The following VPS13A variants were observed in gnomAD, a reference collection of about 807,000 sequenced individuals.
VPS13A encodes the protein vacuolar protein sorting 13 homolog A.
A neutral mutation model predicts 390.9 loss-of-function variants in VPS13A; 264 were observed. The observed-to-expected ratio is 0.68, with a 90% CI of 0.61 to 0.75. The LOEUF (loss-of-function observed/expected upper bound fraction) is 0.75. Ranked by LOEUF, VPS13A falls within the 30% of genes least tolerant of loss-of-function variation. VPS13A has a pLI of 0.00. For synonymous variants in VPS13A, 1,231 were observed against 1,227.1 expected, an observed-to-expected ratio of 1.00 and a Z score of -0.07; for missense variants, 3,409 against 3,733.9, an observed-to-expected ratio of 0.91 and a Z score of 2.27.
intron 35 of VPS13A, among the ~76,000 whole-genome samples, chr9:77,310,389 A>G (rs966875230): frequency 2.0e-5 from 3 of 152,236 alleles, no homozygotes; most frequent in Non-Finnish European, 4.4e-5. Flanking sequence ...TGAATTCCAC[A>G]TAGTATGTAG....
intron 17 of VPS13A, among the ~76,000 whole-genome samples, chr9:77,237,519 C>G (rs1358113616): frequency 6.6e-6 from 1 of 152,010 alleles, no homozygotes; most frequent in African/African-American, 2.4e-5. Context: ...CTCATGCCCC[C>G]ACACCTGGCT....
In VPS13A at chr9:77,177,782, G is replaced by A; in HGVS notation, c.78G>A (p.Gln26=). Residue 26 remains glutamine, a synonymous_variant, in exon 1 of 72, where the codon CAG becomes CAA. Transcript: ENST00000360280. ...GDYVVDLDTS[Q]LSLGIWKGAV... is the part of the protein sequence containing the mutation. The stretch of plus-strand genomic sequence containing the variant: ...ATGTGGTGGACTTGGACACGTCCCA[G>A]CTCTCTCTGGGCATCTGGAAAGGTA... The A allele has an allele frequency of 6.2e-7, 1 of 1,613,404 alleles. No individual in the cohort carries two copies. Among genetic ancestry groups the A allele is most frequent in the Non-Finnish European group, 8.5e-7 (1 of 1,179,642 alleles).
chr9:77,364,772 G>C (rs1339020406), intron 59 of VPS13A, among the ~76,000 whole-genome samples: 1 of 152,124 alleles, frequency 6.6e-6, no homozygotes, highest in East Asian at 1.9e-4. Context: ...ACCATTCCTA[G>C]AGGCCTTAAA....
chr9:77,341,934 CATT>C (rs1307039020), intron 50 of VPS13A, among the ~76,000 whole-genome samples: 2 of 151,788 alleles, frequency 1.3e-5, no homozygotes, highest in Non-Finnish European at 2.9e-5. Context: ...TAAGGGGAAA[CATT>C]AATAATACCG....
At chr9:77,363,057 G>A (rs73654021) in intron 59 of VPS13A, among the ~76,000 whole-genome samples, 1 of 151,988 alleles carries the variant, frequency 6.6e-6, no homozygotes, top group Non-Finnish European at 1.5e-5. Context: ...TGAGAGGAGA[G>A]GTAGTTTTAC....
intron 68 of VPS13A, chr9:77,384,712 A>C: frequency 8.9e-6 from 14 of 1,577,432 alleles, no homozygotes; most frequent in Non-Finnish European, 1.2e-5. Context: ...TTTACTTGGA[A>C]TGTTTCATTA....
chr9:77,241,711 A>C (rs1223965094), intron 19 of VPS13A, among the ~76,000 whole-genome samples: 1 of 152,082 alleles, frequency 6.6e-6, no homozygotes, highest in Admixed American at 6.6e-5. Flanking sequence ...GAAGATTTAT[A>C]TTTCTTCTGC....
chr9:77,319,487 T>C lies in VPS13A; in HGVS notation c.5314-85T>C. The C allele has an allele frequency of 3.2e-6, 3 of 927,550 alleles. No individual in the cohort carries two copies. The South Asian group carries it at 4.1e-5, about 13-fold the overall frequency. The allele number at this position is 927,550 out of a possible 1,614,324, so 57.5% of individuals were successfully genotyped here. A position where few individuals can be genotyped will look rare whatever the true frequency, so the allele number is the denominator to read the frequency against. On this transcript the variant is annotated intron_variant, in intron 41 of 71. Coordinates refer to ENST00000360280, the MANE Select transcript of VPS13A (RefSeq NM_033305.3). ...TACTGAATGGCATGTAGACTGGTTTTTATATAGAAGAAATAACAGGGCTAA... is the reference window on the plus strand; with the variant it reads ...TACTGAATGGCATGTAGACTGGTTTCTATATAGAAGAAATAACAGGGCTAA...
chr9:77,360,091 T>C (rs1225099623), intron 58 of VPS13A, among the ~76,000 whole-genome samples: 2 of 152,168 alleles, frequency 1.3e-5, no homozygotes, highest in South Asian at 4.1e-4. Context: ...CTATCTTTAT[T>C]TCCTTGCTGT....
At chr9:77,327,149 C>G (rs10781431) in intron 45 of VPS13A, among the ~76,000 whole-genome samples, 141,120 of 152,206 alleles carry the variant, frequency 0.93, 65,554 homozygotes, top group East Asian at 1. Flanking sequence ...TGTGCCGCCT[C>G]TTGCCCCGTA....
intron 34 of VPS13A, among the ~76,000 whole-genome samples, chr9:77,304,981 C>G (rs1587538655): frequency 6.6e-6 from 1 of 151,258 alleles, no homozygotes; most frequent in African/African-American, 2.4e-5. Context: ...CTCTGTTGCC[C>G]AGGCTGGAGT....
At chr9:77,368,533 A>G (rs1173619471) in intron 62 of VPS13A, among the ~76,000 whole-genome samples, 1 of 152,160 alleles carries the variant, frequency 6.6e-6, no homozygotes, top group Admixed American at 6.5e-5. Context: ...ATGTTTTTCC[A>G]CTTCTAGAGA....
At chr9:77,224,704 C>T in intron 13 of VPS13A, among the ~76,000 whole-genome samples, 1 of 152,168 alleles carries the variant, frequency 6.6e-6, no homozygotes, top group East Asian at 1.9e-4. Flanking sequence ...AAGATGAGAA[C>T]ATTGTTGAAA....
intron 47 of VPS13A, 22 bp from the exon 48 acceptor site, chr9:77,339,494 G>GTTTTTTTTTTTTTTTTTT: frequency 7.4e-7 from 1 of 1,343,316 alleles, no homozygotes; most frequent in Non-Finnish European, 9.9e-7. Context: ...ATTTTGTTTT[G>GTTTTTTTTTTTTTTTTTT]TTTTTTTTTT....
chr9:77,216,488 T>C (rs1365290671), intron 10 of VPS13A, among the ~76,000 whole-genome samples: 1 of 152,150 alleles, frequency 6.6e-6, no homozygotes, highest in Non-Finnish European at 1.5e-5. Context: ...TGGTGTCTAG[T>C]ACGCAAGTGA....
chr9:77,225,620 A>G (rs899591722), intron 13 of VPS13A, among the ~76,000 whole-genome samples: 3 of 152,204 alleles, frequency 2.0e-5, no homozygotes, highest in Non-Finnish European at 4.4e-5. Context: ...AAATAAAATC[A>G]TTTTAAACAA....
intron 68 of VPS13A, among the ~76,000 whole-genome samples, chr9:77,399,553 G>A (rs1272562992): frequency 6.6e-6 from 1 of 152,170 alleles, no homozygotes; most frequent in Non-Finnish European, 1.5e-5. Flanking sequence ...TCTATTAATG[G>A]TGTATGTAGG....
chr9:77,217,957 C>G (rs924755176), intron 10 of VPS13A, among the ~76,000 whole-genome samples: 2 of 151,970 alleles, frequency 1.3e-5, no homozygotes, highest in African/African-American at 2.4e-5. Flanking sequence ...TCTCCACATC[C>G]TCACCAACAT....
intron 1 of VPS13A, among the ~76,000 whole-genome samples, chr9:77,180,834 C>T (rs980984266): frequency 1.3e-5 from 2 of 152,132 alleles, no homozygotes; most frequent in African/African-American, 4.8e-5. Flanking sequence ...TGTAGTTAGT[C>T]TAGAAATCAG....
Sources: gnomAD v4.1 joint callset for allele counts (sites outside exome capture counted in the v4.1 genomes callset) on GRCh38, gnomAD v4.1.1 for gene constraint, MANE v1.5 for transcripts, NCBI Gene and HGNC (gene_info 2026-07-23, HGNC 2026-07-21) for gene names.